KLF7: variants seen among roughly 807,000 people sequenced by gnomAD.
The protein encoded by KLF7 is Krueppel-like factor 7.
In KLF7, 2 loss-of-function variants were observed where a neutral mutation model predicts 27.3. The observed-to-expected ratio is 0.07, with a 90% CI of 0.03 to 0.23. KLF7 has a LOEUF of 0.23. KLF7 is among the 10% of genes least tolerant of loss of function. The probability of loss-of-function intolerance (pLI) is 1.00; values close to 1 mark genes in which losing one functional copy is unlikely to be tolerated. For missense variants in KLF7, 221 were observed against 394.1 expected (o/e 0.56, Z 3.72); for synonymous variants, 165 against 162.4 (o/e 1.02, Z -0.12).
chr2:207,160,082 G>T (rs1242342908), intron 1 of KLF7, among the ~76,000 whole-genome samples: 2 of 152,174 alleles, frequency 1.3e-5, no homozygotes, highest in African/African-American at 2.4e-5. Flanking sequence ...ACAGAGAGGA[G>T]TGTTTTTTAA....
rs558666164 is a variant in KLF7 at position 207,103,419 on chromosome 2, T to TTC, written c.734-14840_734-14839dup. 5.3e-5 allele frequency among the ~76,000 whole-genome samples: 8 copies of TTC among 152,310 alleles called. No homozygotes were observed. In the East Asian group the frequency reaches 9.6e-4, roughly 18 times the overall value. ...CAAAAGGAGTTTGGGCTTCTGACAG[T>TTC]TCTCAGTGCAGACTTTATATTAAAG... On this transcript the variant is annotated intron_variant, in intron 2 of 3. Coordinates refer to ENST00000309446, the MANE Select transcript of KLF7 (RefSeq NM_003709.4).
chr2:207,125,497 G>A (rs926786420), intron 1 of KLF7, among the ~76,000 whole-genome samples: 4 of 152,206 alleles, frequency 2.6e-5, no homozygotes, highest in East Asian at 1.9e-4. Context: ...TACTGCCCCC[G>A]TAAAGCTCCT....
intron 1 of KLF7, among the ~76,000 whole-genome samples, chr2:207,154,428 C>G (rs2078326690): frequency 6.6e-6 from 1 of 152,192 alleles, no homozygotes; most frequent in Non-Finnish European, 1.5e-5. Context: ...GGATGTCAAA[C>G]TAGGCCCAGT....
chr2:207,098,778 A>ATTTTTTTTTTT (rs1182598901), intron 2 of KLF7, among the ~76,000 whole-genome samples: 2 of 104,694 alleles, frequency 1.9e-5, no homozygotes, highest in African/African-American at 4.0e-5. Flanking sequence ...CACTTGGCTA[A>ATTTTTTTTTTT]TTTTTTTTTT....
chr2:207,164,301 C>T (rs2078634681), intron 1 of KLF7, among the ~76,000 whole-genome samples: 1 of 152,194 alleles, frequency 6.6e-6, no homozygotes, highest in Admixed American at 6.5e-5. Context: ...CGAGCAGCCA[C>T]ACACCGAGCC....
At chr2:207,085,734 G>C (rs73055211) in intron 3 of KLF7, among the ~76,000 whole-genome samples, 2,688 of 152,272 alleles carry the variant, frequency 0.018, 100 homozygotes, top group African/African-American at 0.061. Flanking sequence ...CTTGTAAGAA[G>C]AAACAACAGA....
intron 3 of KLF7, among the ~76,000 whole-genome samples, chr2:207,083,538 A>G (rs2076322596): frequency 6.6e-6 from 1 of 152,126 alleles, no homozygotes; most frequent in African/African-American, 2.4e-5. Flanking sequence ...CAGAGCCCAC[A>G]CTCTTAGTCA....
chr2:207,164,543 C>A (rs1186004279), intron 1 of KLF7, among the ~76,000 whole-genome samples: 1 of 151,656 alleles, frequency 6.6e-6, no homozygotes, highest in Non-Finnish European at 1.5e-5. Context: ...GCAGAGCCAG[C>A]ACTTTCCACT....
upstream of KLF7, among the ~76,000 whole-genome samples, chr2:207,167,776 T>C (rs568056715): frequency 1.7e-4 from 26 of 152,322 alleles, no homozygotes; most frequent in African/African-American, 5.8e-4. Flanking sequence ...TATCTACCCA[T>C]CTCAGAAACA....
chr2:207,151,358 C>T (rs2078241938), intron 1 of KLF7, among the ~76,000 whole-genome samples: 1 of 151,892 alleles, frequency 6.6e-6, no homozygotes, highest in African/African-American at 2.4e-5. Flanking sequence ...AAATAATGAT[C>T]TCTGAAGCTC....
In KLF7 at chr2:207,124,087, C is replaced by T. The variant is rs199529916; in HGVS notation, c.420G>A (p.Ser140=). Residue 140 remains serine, a synonymous_variant, in exon 2 of 4, where the codon TCG becomes TCA. Coordinates refer to ENST00000309446, the MANE Select transcript of KLF7 (RefSeq NM_003709.4). ...CCAGATGGCGGCTGAGCTCAGGGGA[C>T]GATGGGGGCGTTAATGAGGTCACTG... is the stretch of plus-strand genomic sequence containing the variant. ...LNAVTSLTPP[S]SPELSRHLVK... 4.7e-5 allele frequency: 76 copies of T among 1,613,958 alleles called. No individual in the cohort carries two copies. The highest frequency in any genetic ancestry group is 1.5e-4 in the African/African-American group (11 of 74,870).
At chr2:207,124,958 G>A (rs1282159286) in intron 1 of KLF7, among the ~76,000 whole-genome samples, 2 of 152,190 alleles carry the variant, frequency 1.3e-5, no homozygotes, top group Non-Finnish European at 2.9e-5. Context: ...CTTGGGGATG[G>A]ATTCCATAAC....
chr2:207,152,504 T>C (rs1023081551), intron 1 of KLF7, among the ~76,000 whole-genome samples: 3 of 152,166 alleles, frequency 2.0e-5, no homozygotes, highest in Non-Finnish European at 4.4e-5. Context: ...TGGAAAATGT[T>C]ACAAATACCA....
At chr2:207,137,663 ATGAGTG>A (rs1330564791) in intron 1 of KLF7, among the ~76,000 whole-genome samples, 1 of 152,164 alleles carries the variant, frequency 6.6e-6, no homozygotes, top group African/African-American at 2.4e-5. Context: ...CAGGGTTCCT[ATGAGTG>A]TGAGTGTGTG....
chr2:207,077,304 A>G lies in KLF7; in HGVS notation c.*3909T>C, dbSNP rs1030704429. ...TCTTTCCCCTTTGATGCAAATAGACATGGATAATCTGGAAAGCTTATCCCA... is the reference window on the plus strand; with the variant it reads ...TCTTTCCCCTTTGATGCAAATAGACGTGGATAATCTGGAAAGCTTATCCCA... On this transcript the variant is annotated 3_prime_UTR_variant, in exon 4 of 4. Coordinates refer to ENST00000309446, the MANE Select transcript of KLF7 (RefSeq NM_003709.4). The G allele has an allele frequency of 2.0e-5, 3 of 152,202 alleles. No individual in the cohort carries two copies. The highest frequency in any genetic ancestry group is 7.2e-5 in the African/African-American group (3 of 41,442). 9.4% of individuals were successfully genotyped at this position (152,202 alleles called of 1,614,324 possible). A position where few individuals can be genotyped will look rare whatever the true frequency, so the allele number is the denominator to read the frequency against.
At chr2:207,172,511 T>A in the KLF7 span, among the ~76,000 whole-genome samples, 3 of 152,204 alleles carry the variant, frequency 2.0e-5, no homozygotes, top group Non-Finnish European at 4.4e-5. Context: ...TATAGGAGTG[T>A]CAGCCATAAA....
At chr2:207,132,701 A>C (rs945020092) in intron 1 of KLF7, among the ~76,000 whole-genome samples, 1 of 152,224 alleles carries the variant, frequency 6.6e-6, no homozygotes, top group Non-Finnish European at 1.5e-5. Flanking sequence ...AACAACTCAA[A>C]TCTAAATTAA....
At chr2:207,164,444 G>T (rs1402751394) in intron 1 of KLF7, among the ~76,000 whole-genome samples, 2 of 150,734 alleles carry the variant, frequency 1.3e-5, no homozygotes, top group East Asian at 3.9e-4. Context: ...TTAAATACCC[G>T]TGTCCCCCCG....
rs531304997 is a variant in KLF7, at chr2:207,140,146, C to T, written c.103-15742G>A. On this transcript the variant is annotated intron_variant, in intron 1 of 3. Transcript: ENST00000309446. ...TCGTGGTCCGCCCACCTCGGCCTCC[C>T]AAAGTGCTGGGATTACAGGCATGAG... Among the ~76,000 whole-genome samples, 25 of 152,246 alleles carry T rather than the reference C, an allele frequency of 1.6e-4. 1 individual carries two copies. The East Asian group carries it at 4.8e-3, about 29-fold the overall frequency.
Sources: allele counts gnomAD v4.1 joint callset (sites outside exome capture counted in the v4.1 genomes callset), GRCh38; gene constraint gnomAD v4.1.1; transcripts MANE v1.5; gene names NCBI Gene and HGNC (gene_info 2026-07-23, HGNC 2026-07-21).